Variants in SH3RF2 observed in about 807,000 individuals in gnomAD.
The protein encoded by SH3RF2 is E3 ubiquitin-protein ligase SH3RF2.
In SH3RF2, 43 loss-of-function variants were observed where a neutral mutation model predicts 59.0. That is an observed-to-expected ratio of 0.73 (90% CI 0.57 to 0.94). The LOEUF is 0.94. SH3RF2 is among the 40% of genes least tolerant of loss of function. The probability of loss-of-function intolerance (pLI) is 0.00; values close to 1 mark genes in which losing one functional copy is unlikely to be tolerated. For missense variants in SH3RF2, 930 were observed against 940.1 expected, an observed-to-expected ratio of 0.99 and a Z score of 0.14; for synonymous variants, 391 against 391.5, an observed-to-expected ratio of 1.00 and a Z score of 0.01.
intron 2 of SH3RF2, among the ~76,000 whole-genome samples, chr5:145,963,918 C>T (rs137864065): frequency 0.016 from 2,373 of 151,662 alleles, 50 homozygotes; most frequent in African/African-American, 0.054. Flanking sequence ...CTGCAAACTC[C>T]GCCTCCCGGA....
intron 8 of SH3RF2, among the ~76,000 whole-genome samples, chr5:146,057,928 G>GTCTCTCTCTC (rs58826823): frequency 2.0e-3 from 262 of 133,204 alleles, no homozygotes; most frequent in African/African-American, 6.5e-3. Context: ...GGCTGTTAGT[G>GTCTCTCTCTC]TCTCTCTCTC....
At chr5:145,997,486 A>G in intron 2 of SH3RF2, 2 of 1,581,654 alleles carry the variant, frequency 1.3e-6, no homozygotes, top group Non-Finnish European at 1.7e-6. Flanking sequence ...GATACAGTAC[A>G]ATTTGGGAAA....
intron 5 of SH3RF2, among the ~76,000 whole-genome samples, chr5:146,042,395 C>T (rs1315395381): frequency 2.0e-5 from 3 of 152,170 alleles, no homozygotes; most frequent in Non-Finnish European, 4.4e-5. Context: ...TGCGTCAAAC[C>T]CTGTGCTAAA....
Position 145,978,339 on chromosome 5 carries a change from C to T in SH3RF2, c.379-21719C>T, listed in dbSNP as rs1432776. ...ACACTGGCCAGCACATTCATAGAACCTGGTTGCAGAGATAAGTCAAATCAC... is the reference window on the plus strand; with the variant it reads ...ACACTGGCCAGCACATTCATAGAACTTGGTTGCAGAGATAAGTCAAATCAC... On this transcript the variant is annotated intron_variant, in intron 2 of 9. Coordinates refer to ENST00000359120, the MANE Select transcript of SH3RF2 (RefSeq NM_152550.4). Among the ~76,000 whole-genome samples the T allele has an allele frequency of 8.7e-3, 1,327 of 152,268 alleles. 17 individuals carry two copies. The highest frequency in any genetic ancestry group is 0.03 in the African/African-American group (1,248 of 41,546).
intron 2 of SH3RF2, among the ~76,000 whole-genome samples, chr5:145,956,970 C>T (rs1485020330): frequency 6.6e-6 from 1 of 152,206 alleles, no homozygotes; most frequent in Non-Finnish European, 1.5e-5. Flanking sequence ...CATGTCTCCT[C>T]TTCATAACTA....
intron 2 of SH3RF2, among the ~76,000 whole-genome samples, chr5:145,942,037 C>T (rs759409544): frequency 1.3e-5 from 2 of 152,272 alleles, no homozygotes; most frequent in Admixed American, 6.5e-5. Context: ...CCACATGATC[C>T]GTGGCCATGA....
intron 2 of SH3RF2, among the ~76,000 whole-genome samples, chr5:145,983,839 T>C (rs1580811876): frequency 6.6e-6 from 1 of 152,200 alleles, no homozygotes; most frequent in Non-Finnish European, 1.5e-5. Flanking sequence ...AACTGGGATG[T>C]AGATATAGCT....
rs1561771550 is a variant in SH3RF2, at chr5:146,062,591, G to A, written c.2080G>A (p.Gly694Ser). The change falls in exon 10 of 10, where the codon GGC becomes AGC. Residue 694 changes from glycine to serine, a missense_variant. By Grantham distance (56) the Gly-to-Ser change is moderately conservative. Coordinates refer to ENST00000359120, the MANE Select transcript of SH3RF2 (RefSeq NM_152550.4). ...GACCGTCCTATTTGCCCACCGAAGT[G>A]GCTGCCACTCCGGACAGCAGACAGA... ...EMTVLFAHRSGCHSGQQTDLR... is the reference protein window; with the variant it reads ...EMTVLFAHRSSCHSGQQTDLR... 1.2e-6 allele frequency: 2 copies of A among 1,614,156 alleles called. No homozygotes were observed. Among genetic ancestry groups the A allele is most frequent in the South Asian group, 2.2e-5 (2 of 91,082 alleles).
intron 9 of SH3RF2, among the ~76,000 whole-genome samples, chr5:146,061,603 GA>G: frequency 6.6e-6 from 1 of 152,312 alleles, no homozygotes; most frequent in Admixed American, 6.5e-5. Flanking sequence ...CAGTACCACA[GA>G]ACGCTTTATT....
intron 2 of SH3RF2, among the ~76,000 whole-genome samples, chr5:145,942,644 C>T (rs1184539075): frequency 6.6e-6 from 1 of 152,156 alleles, no homozygotes; most frequent in Non-Finnish European, 1.5e-5. Flanking sequence ...CCCCTGAAAA[C>T]AGCAGATAGG....
At chr5:146,029,995 T>C (rs1761685632) in intron 5 of SH3RF2, among the ~76,000 whole-genome samples, 1 of 152,220 alleles carries the variant, frequency 6.6e-6, no homozygotes, top group Admixed American at 6.5e-5. Context: ...TGGTTACGTA[T>C]GCAAAGAATA....
At chr5:145,944,840 A>G (rs1580751229) in intron 2 of SH3RF2, among the ~76,000 whole-genome samples, 1 of 152,300 alleles carries the variant, frequency 6.6e-6, no homozygotes, top group African/African-American at 2.4e-5. Context: ...CAGAGTTCAC[A>G]TGCTCAGTCA....
Position 145,937,805 on chromosome 5 carries a change from T to C in SH3RF2, c.-106-18T>C, listed in dbSNP as rs898477065. On this transcript the variant is annotated intron_variant, in intron 1 of 9. Transcript: ENST00000359120. Reference sequence around the variant, plus strand: ...AGCAGTCACATTTTTTTTTCTCTCCTCTCCCTCCTTCAAGCAGGCAAAAAT... The same window carrying C: ...AGCAGTCACATTTTTTTTTCTCTCCCCTCCCTCCTTCAAGCAGGCAAAAAT... 2 of 1,161,918 alleles carry C rather than the reference T, an allele frequency of 1.7e-6. No individual in the cohort carries two copies. The highest frequency in any genetic ancestry group is 1.5e-5 in the African/African-American group (1 of 64,586). 72.0% of individuals were successfully genotyped at this position (1,161,918 alleles called of 1,614,324 possible).
At chr5:145,965,232 G>T (rs538947537) in intron 2 of SH3RF2, among the ~76,000 whole-genome samples, 1 of 151,912 alleles carries the variant, frequency 6.6e-6, no homozygotes, top group African/African-American at 2.4e-5. Context: ...ACCTAGAACT[G>T]TATTTCAGTC....
intron 2 of SH3RF2, among the ~76,000 whole-genome samples, chr5:145,974,730 C>T (rs1484993733): frequency 6.6e-6 from 1 of 152,122 alleles, no homozygotes; most frequent in African/African-American, 2.4e-5. Flanking sequence ...CTTGTTTCTG[C>T]TACACTCTAT....
intron 5 of SH3RF2, among the ~76,000 whole-genome samples, chr5:146,041,912 C>G (rs143799485): frequency 3.3e-5 from 5 of 152,182 alleles, no homozygotes; most frequent in Non-Finnish European, 7.4e-5. Context: ...GCCTGGGTGA[C>G]AAAGCAAGAC....
At chr5:146,080,767 T>C (rs1763411559) in exon 10 of SH3RF2, 1 of 152,212 alleles carries the variant, frequency 6.6e-6, no homozygotes, top group African/African-American at 2.4e-5. Context: ...CATCAGAGAT[T>C]TGTTCCACAC....
intron 5 of SH3RF2, among the ~76,000 whole-genome samples, chr5:146,020,423 T>C (rs985288905): frequency 6.6e-6 from 1 of 152,216 alleles, no homozygotes; most frequent in African/African-American, 2.4e-5. Context: ...AATGAACAAA[T>C]GTTTTTTGAA....
At chr5:146,024,232 G>A (rs191995843) in intron 5 of SH3RF2, among the ~76,000 whole-genome samples, 5 of 152,180 alleles carry the variant, frequency 3.3e-5, no homozygotes, top group African/African-American at 4.8e-5. Flanking sequence ...CCACATCTTC[G>A]CCAACACTTG....
Sources: gnomAD v4.1 joint callset for allele counts (sites outside exome capture counted in the v4.1 genomes callset) on GRCh38, gnomAD v4.1.1 for gene constraint, MANE v1.5 for transcripts, NCBI Gene and HGNC (gene_info 2026-07-23, HGNC 2026-07-21) for gene names.